The following PLXNA4 variants were observed in gnomAD, a reference collection of about 807,000 sequenced individuals.
PLXNA4 encodes plexin-A4.
PLXNA4 carries 44 observed loss-of-function variants against 191.8 expected under a neutral mutation model. The observed-to-expected ratio is 0.23, with a 90% CI of 0.18 to 0.29. The LOEUF (loss-of-function observed/expected upper bound fraction) is 0.29, where lower values mean the gene tolerates loss of function less well. PLXNA4 is among the 10% of genes least tolerant of loss of function. PLXNA4 has a pLI of 1.00. For missense variants in PLXNA4, 1,800 were observed against 2,488.8 expected (o/e 0.72, Z 5.89); for synonymous variants, 1,082 against 1,009.5 (o/e 1.07, Z -1.36).
chr7:132,173,082 A>C (rs7802114), intron 21 of PLXNA4, among the ~76,000 whole-genome samples: 1 of 152,068 alleles, frequency 6.6e-6, no homozygotes, highest in Admixed American at 6.5e-5. Flanking sequence ...AATAAGGTAC[A>C]TGCACAGTCT....
chr7:132,446,383 A>G (rs947122098), intron 3 of PLXNA4, among the ~76,000 whole-genome samples: 2 of 152,306 alleles, frequency 1.3e-5, no homozygotes, highest in East Asian at 3.9e-4. Flanking sequence ...GTGTGCCATT[A>G]ACTATCTGCC....
chr7:132,182,713 G>A (rs955025405), intron 16 of PLXNA4, among the ~76,000 whole-genome samples: 8 of 152,192 alleles, frequency 5.3e-5, no homozygotes, highest in African/African-American at 1.9e-4. Context: ...TGAGATCTGG[G>A]AAAGGCAGAG....
At chr7:132,445,784 C>T (rs1263595411) in intron 3 of PLXNA4, among the ~76,000 whole-genome samples, 1 of 152,112 alleles carries the variant, frequency 6.6e-6, no homozygotes, top group East Asian at 1.9e-4. Context: ...TGGGATGGGA[C>T]CGAAGGGTGC....
chr7:132,473,319 T>G (rs1797000328), intron 3 of PLXNA4, among the ~76,000 whole-genome samples: 1 of 152,128 alleles, frequency 6.6e-6, no homozygotes, highest in South Asian at 2.1e-4. Context: ...GTGTGTCTGG[T>G]GGTCAGATTC....
intron 1 of PLXNA4, among the ~76,000 whole-genome samples, chr7:132,555,252 CAAATATTTTT>C (rs952966580): frequency 2.0e-5 from 3 of 152,134 alleles, no homozygotes; most frequent in Admixed American, 6.5e-5. Context: ...GGAATCCCTA[CAAATATTTTT>C]AAATCTTTTT....
intron 3 of PLXNA4, among the ~76,000 whole-genome samples, chr7:132,460,909 C>A (rs1454793342): frequency 6.6e-6 from 1 of 151,822 alleles, no homozygotes; most frequent in Non-Finnish European, 1.5e-5. Context: ...CAAACAGAAG[C>A]AAGCAACCAA....
At chr7:132,448,126 C>T (rs933533661) in intron 3 of PLXNA4, among the ~76,000 whole-genome samples, 9 of 152,232 alleles carry the variant, frequency 5.9e-5, no homozygotes, top group South Asian at 2.1e-4. Context: ...AACAGAGCTA[C>T]GTTTTCCTCC....
At chr7:132,190,152 G>C (rs1797041744) in intron 14 of PLXNA4, among the ~76,000 whole-genome samples, 1 of 152,108 alleles carries the variant, frequency 6.6e-6, no homozygotes, top group East Asian at 1.9e-4. Context: ...ACCTTATGCT[G>C]GGAACAGCCT....
At chr7:132,204,128 G>A (rs1407510140) in intron 10 of PLXNA4, among the ~76,000 whole-genome samples, 1 of 152,114 alleles carries the variant, frequency 6.6e-6, no homozygotes, top group Non-Finnish European at 1.5e-5. Flanking sequence ...CCAGGCTCAC[G>A]CCCAGATTCC....
intron 9 of PLXNA4, among the ~76,000 whole-genome samples, chr7:132,212,993 A>G (rs1797851609): frequency 6.6e-6 from 1 of 152,246 alleles, no homozygotes; most frequent in South Asian, 2.1e-4. Context: ...GCCAAAAGGT[A>G]GAAGCAACCC....
chr7:132,539,673 C>T (rs886356160), intron 1 of PLXNA4, among the ~76,000 whole-genome samples: 2 of 152,204 alleles, frequency 1.3e-5, no homozygotes, highest in Admixed American at 1.3e-4. Flanking sequence ...GATGATGGAA[C>T]CTATTTCACA....
chr7:132,289,012 C>T (rs564304268), intron 4 of PLXNA4, among the ~76,000 whole-genome samples: 1 of 152,270 alleles, frequency 6.6e-6, no homozygotes, highest in Middle Eastern at 3.4e-3. Flanking sequence ...ACTTAGGGGT[C>T]CCAAGCCTCA....
At chr7:132,380,201 C>A (rs1335309691) in intron 3 of PLXNA4, among the ~76,000 whole-genome samples, 2 of 152,188 alleles carry the variant, frequency 1.3e-5, no homozygotes, top group African/African-American at 2.4e-5. Flanking sequence ...AAAGAACTAA[C>A]CCTCCCAACA....
At chr7:132,452,398 G>C (rs534728993) in intron 3 of PLXNA4, among the ~76,000 whole-genome samples, 1 of 152,324 alleles carries the variant, frequency 6.6e-6, no homozygotes, top group South Asian at 2.1e-4. Flanking sequence ...TCTCTACCAA[G>C]TACATGTTAG....
In PLXNA4 at chr7:132,423,985, G is replaced by T. The variant is rs1794945043; in HGVS notation, c.1371+65307C>A. On this transcript the variant is annotated intron_variant, in intron 3 of 31. Coordinates refer to ENST00000321063, the MANE Select transcript of PLXNA4 (RefSeq NM_020911.2). ...ATGGAGGTCAATGCCTCTCAGGGCTGCCCTCCCCTCTGGATCAGCTCCCAG... is the reference window on the plus strand; with the variant it reads ...ATGGAGGTCAATGCCTCTCAGGGCTTCCCTCCCCTCTGGATCAGCTCCCAG... Among the ~76,000 whole-genome samples the T allele has an allele frequency of 2.0e-5, 3 of 152,228 alleles. No individual in the cohort carries two copies. In the South Asian group the frequency reaches 6.2e-4, roughly 32 times the overall value.
intron 2 of PLXNA4, among the ~76,000 whole-genome samples, chr7:132,614,048 T>C (rs994993558): frequency 6.6e-6 from 1 of 152,200 alleles, no homozygotes; most frequent in African/African-American, 2.4e-5. Context: ...CCCAGGACTT[T>C]GCTGAGAATG....
At chr7:132,541,086 A>G (rs2116503892) in intron 1 of PLXNA4, among the ~76,000 whole-genome samples, 1 of 152,338 alleles carries the variant, frequency 6.6e-6, no homozygotes, top group African/African-American at 2.4e-5. Context: ...CCAGACAGAG[A>G]GCCAGAGGGG....
At chr7:132,517,463 C>T (rs1002013014) in intron 1 of PLXNA4, among the ~76,000 whole-genome samples, 1 of 152,180 alleles carries the variant, frequency 6.6e-6, no homozygotes, top group Non-Finnish European at 1.5e-5. Context: ...AGAAAGAAAC[C>T]TTTACTGTGA....
intron 1 of PLXNA4, among the ~76,000 whole-genome samples, chr7:132,646,578 G>A (rs1001464927): frequency 1.3e-5 from 2 of 152,070 alleles, no homozygotes; most frequent in African/African-American, 4.8e-5. Context: ...AGTGAGGATG[G>A]TGGCCATGTG....
Sources: gnomAD v4.1 joint callset for allele counts (sites outside exome capture counted in the v4.1 genomes callset) on GRCh38, gnomAD v4.1.1 for gene constraint, MANE v1.5 for transcripts, NCBI Gene and HGNC (gene_info 2026-07-23, HGNC 2026-07-21) for gene names.